ZFHX3: variants seen among roughly 807,000 people sequenced by gnomAD.
The protein encoded by ZFHX3 is zinc finger homeobox 3, also known as zinc finger homeobox protein 3.
A neutral mutation model predicts 279.1 loss-of-function variants in ZFHX3; 42 were observed. That is an observed-to-expected ratio of 0.15 (90% CI 0.12 to 0.19). The LOEUF is 0.19. Ranked by LOEUF, ZFHX3 falls within the 10% of genes least tolerant of loss-of-function variation. The pLI is 1.00. For missense variants in ZFHX3, 4,981 were observed against 4,754.0 expected (o/e 1.05, Z -1.40); for synonymous variants, 2,293 against 1,957.8 (o/e 1.17, Z -4.52).
chr16:73,129,692 ATGTGCATGTG>A (rs1489446747), intron 7 of ZFHX3, among the ~76,000 whole-genome samples: 2 of 139,400 alleles, frequency 1.4e-5, no homozygotes, highest in Non-Finnish European at 3.0e-5. Context: ...GTGTGCGCGC[ATGTGCATGTG>A]TGTGCATGTG....
chr16:73,092,008 T>G (rs1377211596), intron 8 of ZFHX3, among the ~76,000 whole-genome samples: 1 of 152,250 alleles, frequency 6.6e-6, no homozygotes, highest in Non-Finnish European at 1.5e-5. Flanking sequence ...AGTTCATTGT[T>G]GAACATAGTG....
At chr16:72,846,955 G>A (rs780824785) in intron 4 of ZFHX3, among the ~76,000 whole-genome samples, 2 of 152,174 alleles carry the variant, frequency 1.3e-5, no homozygotes, top group Non-Finnish European at 2.9e-5. Context: ...TCTGACCATC[G>A]TGCTCTGAAG....
chr16:73,615,218 G>C (rs575020771), intron 2 of ZFHX3, among the ~76,000 whole-genome samples: 97 of 151,970 alleles, frequency 6.4e-4, no homozygotes, highest in African/African-American at 2.2e-3. Flanking sequence ...GAGGAGGGAG[G>C]GGAAGGAACA....
At chr16:73,337,373 C>G (rs941300487) in intron 3 of ZFHX3, among the ~76,000 whole-genome samples, 8 of 152,146 alleles carry the variant, frequency 5.3e-5, no homozygotes, top group African/African-American at 1.7e-4. Flanking sequence ...TCTGAGGCCC[C>G]TTCAGTGGTG....
intron 5 of ZFHX3, among the ~76,000 whole-genome samples, chr16:72,817,369 ACT>A (rs770350946): frequency 8.5e-5 from 13 of 152,168 alleles, no homozygotes; most frequent in South Asian, 4.1e-4. Flanking sequence ...TCATCTAGTA[ACT>A]CTGTACAACT....
intron 5 of ZFHX3, among the ~76,000 whole-genome samples, chr16:73,161,083 CT>C (rs1245766494): frequency 6.6e-6 from 1 of 152,168 alleles, no homozygotes; most frequent in Admixed American, 6.6e-5. Flanking sequence ...AGCGATTCTC[CT>C]GCCTCAGCCT....
intron 1 of ZFHX3, among the ~76,000 whole-genome samples, chr16:73,771,136 C>T (rs1176832974): frequency 1.3e-5 from 2 of 152,146 alleles, no homozygotes; most frequent in Admixed American, 1.3e-4. Flanking sequence ...CGGGAAAATG[C>T]AGGAGATGAT....
intron 1 of ZFHX3, among the ~76,000 whole-genome samples, chr16:73,058,110 G>A (rs977390126): frequency 1.5e-5 from 2 of 137,840 alleles, no homozygotes; most frequent in Non-Finnish European, 3.2e-5. Flanking sequence ...CCCGCGCCCC[G>A]GCCGGCCCTG....
chr16:72,942,133 T>A (rs917303005), intron 3 of ZFHX3, among the ~76,000 whole-genome samples: 1 of 152,214 alleles, frequency 6.6e-6, no homozygotes, highest in Admixed American at 6.5e-5. Context: ...CAGAAACACC[T>A]GTTGGGACTA....
At chr16:73,604,975 T>C (rs538763085) in intron 2 of ZFHX3, among the ~76,000 whole-genome samples, 20 of 152,286 alleles carry the variant, frequency 1.3e-4, no homozygotes, top group African/African-American at 4.1e-4. Flanking sequence ...ATTTACTAAA[T>C]GTGCCTAGCT....
At chr16:73,156,996 G>C (rs1021443856) in intron 5 of ZFHX3, among the ~76,000 whole-genome samples, 3 of 152,176 alleles carry the variant, frequency 2.0e-5, no homozygotes, top group African/African-American at 7.2e-5. Context: ...GCAGGCGTGA[G>C]CCACCGTGCC....
intron 6 of ZFHX3, among the ~76,000 whole-genome samples, chr16:73,136,471 C>T (rs571629065): frequency 6.6e-6 from 1 of 151,882 alleles, no homozygotes; most frequent in East Asian, 2.0e-4. Flanking sequence ...TGCCTGTAAT[C>T]CCAACACTCT....
intron 1 of ZFHX3, among the ~76,000 whole-genome samples, chr16:73,852,283 C>T (rs1186371752): frequency 6.6e-6 from 1 of 152,166 alleles, no homozygotes; most frequent in African/African-American, 2.4e-5. Context: ...TTCATCAGTC[C>T]TCATTTGCAG....
intron 2 of ZFHX3, among the ~76,000 whole-genome samples, chr16:73,645,312 AG>A (rs1211799830): frequency 6.6e-6 from 1 of 152,072 alleles, no homozygotes; most frequent in Non-Finnish European, 1.5e-5. Context: ...CTGGAGTGCA[AG>A]TGGCATGATC....
intron 3 of ZFHX3, among the ~76,000 whole-genome samples, chr16:72,915,602 T>TAA (rs35718176): frequency 6.6e-6 from 1 of 151,596 alleles, no homozygotes; most frequent in African/African-American, 2.4e-5. Flanking sequence ...CTACAAAAAA[T>TAA]AAAAAAAATT....
intron 2 of ZFHX3, among the ~76,000 whole-genome samples, chr16:73,648,764 C>A (rs995194797): frequency 6.6e-6 from 1 of 152,104 alleles, no homozygotes; most frequent in Non-Finnish European, 1.5e-5. Context: ...CATTGATGGA[C>A]AATTGATAGT....
intron 1 of ZFHX3, among the ~76,000 whole-genome samples, chr16:73,053,490 A>G (rs749077803): frequency 6.6e-6 from 1 of 152,088 alleles, no homozygotes; most frequent in Non-Finnish European, 1.5e-5. Flanking sequence ...GGGTGGGGGC[A>G]TGGAGAAGTG....
chr16:72,848,337 C>T lies in ZFHX3; in HGVS notation c.3449-18478G>A, dbSNP rs574857104. Among the ~76,000 whole-genome samples the T allele has an allele frequency of 2.5e-4, 38 of 152,180 alleles. No individual in the cohort carries two copies. In the Middle Eastern group the frequency reaches 0.02, roughly 82 times the overall value. ...CTATTCACGAGCCCTATTGATCTGCCGCACACTCGGTGCCTTCAAAGTTGT... is the reference window on the plus strand; with the variant it reads ...CTATTCACGAGCCCTATTGATCTGCTGCACACTCGGTGCCTTCAAAGTTGT... On this transcript the variant is annotated intron_variant, in intron 4 of 9. Transcript: ENST00000268489.
At chr16:73,831,550 T>C (rs1960998032) in intron 1 of ZFHX3, among the ~76,000 whole-genome samples, 1 of 152,232 alleles carries the variant, frequency 6.6e-6, no homozygotes, top group Admixed American at 6.5e-5. Flanking sequence ...ATGGCTTTCT[T>C]AGCACCAGCT....
Sources: allele counts gnomAD v4.1 joint callset (sites outside exome capture counted in the v4.1 genomes callset), GRCh38; gene constraint gnomAD v4.1.1; transcripts MANE v1.5; gene names NCBI Gene and HGNC (gene_info 2026-07-23, HGNC 2026-07-21).